ZC3H7A: variants seen among roughly 807,000 people sequenced by gnomAD.
The protein encoded by ZC3H7A is zinc finger CCCH domain-containing protein 7A.
ZC3H7A carries 44 observed loss-of-function variants against 125.5 expected under a neutral mutation model. The observed-to-expected ratio is 0.35, with a 90% confidence interval of 0.28 to 0.45. The LOEUF is 0.45. ZC3H7A is among the 20% of genes least tolerant of loss of function. ZC3H7A has a pLI of 1.00. For synonymous variants in ZC3H7A, 399 were observed against 391.2 expected (o/e 1.02, Z -0.23); for missense variants, 977 against 1,170.7 (o/e 0.83, Z 2.41).
At chr16:11,780,858 A>C (rs1472612312) in intron 3 of ZC3H7A, among the ~76,000 whole-genome samples, 2 of 152,164 alleles carry the variant, frequency 1.3e-5, no homozygotes, top group Non-Finnish European at 2.9e-5. Context: ...CCCTGTTCCT[A>C]AACAGCAGAT....
chr16:11,757,301 G>A (rs927646475), intron 20 of ZC3H7A, among the ~76,000 whole-genome samples: 4 of 152,020 alleles, frequency 2.6e-5, no homozygotes, highest in South Asian at 2.1e-4. Context: ...TGGCTAACAC[G>A]GTGAAACCCC....
In ZC3H7A at chr16:11,774,424, C is replaced by T; in HGVS notation, c.715G>A (p.Val239Ile). Residue 239 changes from valine to isoleucine, a missense_variant, in exon 9 of 23, where the codon GTT becomes ATT. Transcript: ENST00000355758. Reference protein sequence around the residue: ...EVGSELASVPVMPLTSILPLQ... With the variant: ...EVGSELASVPIMPLTSILPLQ... ...GGCAAAATAGAAGTTAAGGGCATAA[C>T]AGGAACTGAGGCCAGCTCACTTCCA... The T allele has an allele frequency of 6.2e-7, 1 of 1,611,802 alleles. No individual in the cohort carries two copies. The highest frequency in any genetic ancestry group is 8.5e-7 in the Non-Finnish European group (1 of 1,178,406).
chr16:11,764,607 A>G (rs1454642234), intron 15 of ZC3H7A, among the ~76,000 whole-genome samples: 1 of 152,126 alleles, frequency 6.6e-6, no homozygotes, highest in African/African-American at 2.4e-5. Context: ...CTGTAATCCC[A>G]GCTACTCGAG....
At chr16:11,756,143 CACA>C in intron 21 of ZC3H7A, 91 bp downstream of exon 21, 3 of 1,513,838 alleles carry the variant, frequency 2.0e-6, no homozygotes, top group Non-Finnish European at 2.7e-6. Context: ...AGCCTGGTGA[CACA>C]ACGAGACTCC....
chr16:11,767,852 T>C (rs535432269), intron 12 of ZC3H7A, among the ~76,000 whole-genome samples: 1 of 152,236 alleles, frequency 6.6e-6, no homozygotes, highest in Non-Finnish European at 1.5e-5. Context: ...GGAATTTTGA[T>C]GGCTTATAAA....
intron 8 of ZC3H7A, 115 bp downstream of exon 8, chr16:11,774,865 A>G: frequency 2.3e-5 from 27 of 1,188,306 alleles, no homozygotes; most frequent in Non-Finnish European, 2.8e-5. Context: ...TCATATTAAT[A>G]CATTAATATG....
Position 11,776,768 on chromosome 16 carries a change from A to C in ZC3H7A, c.448T>G (p.Ser150Ala). The C allele has an allele frequency of 6.2e-7, 1 of 1,610,308 alleles. No homozygotes were observed. Among genetic ancestry groups the C allele is most frequent in the Non-Finnish European group, 8.5e-7 (1 of 1,178,944 alleles). ...KKAYDAVAKC[S>A]LAVPQDEHVI... ...TTCCATACCTGAGGCACTGCTAAGGAGCACTTTGCTACAGCATCGTAAGCC... is the reference window on the plus strand; with the variant it reads ...TTCCATACCTGAGGCACTGCTAAGGCGCACTTTGCTACAGCATCGTAAGCC... Residue 150 changes from serine (S) to alanine (A), a missense_variant, in exon 5 of 23, where the codon TCC becomes GCC. Physicochemically the swap from Ser to Ala is moderately conservative, Grantham distance 99. Around this residue, in one of 3 missense-constraint regions of ZC3H7A, gnomAD observed 199 missense variants for 256.1 expected, o/e 0.78. Transcript: ENST00000355758.
In ZC3H7A at chr16:11,781,542, T is replaced by C. The variant is rs1024482627; in HGVS notation, c.69-78A>G. On this transcript the variant is annotated intron_variant, in intron 2 of 22. Transcript: ENST00000355758. ...GTTCAGCCAGAAGTCATCTTAAATC[T>C]GTGGTTCCATTAGCTTGCCACTGGT... 10 of 1,483,228 alleles carry C rather than the reference T, an allele frequency of 6.7e-6. No individual in the cohort carries two copies. In the South Asian group the frequency reaches 1.2e-4, roughly 18 times the overall value. The allele number at this position is 1,483,228 out of a possible 1,614,324, so 91.9% of individuals were successfully genotyped here.
rs941745046 is a variant in ZC3H7A, at chr16:11,765,470, T to A, written c.1719+19A>T. On this transcript the variant is annotated intron_variant, in intron 14 of 22. Transcript: ENST00000355758. The surrounding 1 kb of genome is among the most constrained non-coding windows in gnomAD (Gnocchi z 4.8). ...GCAAATTCAACTTTACAGTGGAAAA[T>A]AAGTTTTGGAGAACACACCTCACAA... 6.9e-6 allele frequency: 11 copies of A among 1,592,540 alleles called. No homozygotes were observed. Among genetic ancestry groups the A allele is most frequent in the African/African-American group, 2.7e-5 (2 of 74,210 alleles).
At chr16:11,766,373 T>C (rs537277062) in intron 13 of ZC3H7A, among the ~76,000 whole-genome samples, 1 of 152,268 alleles carries the variant, frequency 6.6e-6, no homozygotes, top group Admixed American at 6.5e-5. Context: ...AAAACGAGCC[T>C]AACCAACATG....
chr16:11,760,122 G>GAAAAAAAAAATAAAAA (rs2052722626), intron 19 of ZC3H7A, among the ~76,000 whole-genome samples: 1 of 82,532 alleles, frequency 1.2e-5, no homozygotes, highest in Non-Finnish European at 2.1e-5. Context: ...AAGAAAAAAT[G>GAAAAAAAAAATAAAAA]AAAAAAAAAA....
At chr16:11,761,578 G>C in intron 18 of ZC3H7A, 67 bp from the exon 19 acceptor site, 2 of 1,534,082 alleles carry the variant, frequency 1.3e-6, no homozygotes, top group East Asian at 4.5e-5. Flanking sequence ...AAAGGGAGAG[G>C]CACAAAGTTT....
chr16:11,794,281 C>G (rs745547963), intron 1 of ZC3H7A, among the ~76,000 whole-genome samples: 2 of 152,308 alleles, frequency 1.3e-5, no homozygotes, highest in Middle Eastern at 3.4e-3. Context: ...CAGGCCTTTT[C>G]AGAAAACATA....
At chr16:11,770,704 A>G in intron 10 of ZC3H7A, 79 bp downstream of exon 10, 1 of 1,276,904 alleles carries the variant, frequency 7.8e-7, no homozygotes, top group Non-Finnish European at 1.1e-6. Context: ...ACCTAGAGTC[A>G]GTTAAATAAT....
intron 16 of ZC3H7A, 61 bp from the exon 17 acceptor site, chr16:11,762,808 G>A: frequency 6.5e-7 from 1 of 1,547,768 alleles, no homozygotes; most frequent in Non-Finnish European, 8.9e-7. Context: ...CCACCAATCT[G>A]GGTGCAGTCA....
intron 1 of ZC3H7A, 169 bp from the exon 2 acceptor site, chr16:11,782,557 C>T: frequency 2.0e-6 from 1 of 509,378 alleles, no homozygotes; most frequent in Non-Finnish European, 3.5e-6. Context: ...ATCTTTGTGG[C>T]TCCCCTGTGG....
chr16:11,783,724 T>C (rs1040237909), intron 1 of ZC3H7A, among the ~76,000 whole-genome samples: 9 of 152,230 alleles, frequency 5.9e-5, no homozygotes, highest in African/African-American at 1.9e-4. Flanking sequence ...TTGAAGTACA[T>C]TGCTGAAATT....
intron 9 of ZC3H7A, among the ~76,000 whole-genome samples, chr16:11,772,651 C>T (rs2053005534): frequency 6.6e-6 from 1 of 151,596 alleles, no homozygotes; most frequent in Non-Finnish European, 1.5e-5. Flanking sequence ...CATCATCCTA[C>T]CACTGCTGCT....
At chr16:11,796,149 A>G (rs1268714071) in intron 1 of ZC3H7A, 2 of 152,242 alleles carry the variant, frequency 1.3e-5, no homozygotes, top group Non-Finnish European at 2.9e-5. Flanking sequence ...AATTTTAATG[A>G]TCTATTTTCG....
Sources: gnomAD v4.1 joint callset for allele counts (sites outside exome capture counted in the v4.1 genomes callset) on GRCh38, gnomAD v4.1.1 for gene constraint, gnomAD v4.1.1 regional missense constraint, Gnocchi (gnomAD v3.1) non-coding constraint, MANE v1.5 for transcripts, NCBI Gene and HGNC (gene_info 2026-07-23, HGNC 2026-07-21) for gene names.